The following PCMT1 variants were observed in gnomAD, a reference collection of about 807,000 sequenced individuals.
The protein encoded by PCMT1 is protein-L-isoaspartate(D-aspartate) O-methyltransferase.
In PCMT1, 9 loss-of-function variants were observed where a neutral mutation model predicts 29.2. The observed-to-expected ratio is 0.31, with a 90% confidence interval of 0.19 to 0.54. The LOEUF (loss-of-function observed/expected upper bound fraction) is 0.54, where lower values mean the gene tolerates loss of function less well. PCMT1 is among the 20% of genes least tolerant of loss of function. The probability of loss-of-function intolerance (pLI) is 0.95; values close to 1 mark genes in which losing one functional copy is unlikely to be tolerated. For missense variants in PCMT1, 184 were observed against 282.2 expected (o/e 0.65, Z 2.49); for synonymous variants, 98 against 97.5 (o/e 1.00, Z -0.03).
intron 5 of PCMT1, chr6:149,794,721 G>A: frequency 2.3e-6 from 1 of 434,334 alleles, no homozygotes; most frequent in Admixed American, 2.5e-5. Flanking sequence ...GCTTGCCTTG[G>A]CCTTTGCCCT....
In PCMT1 at chr6:149,810,885, G is replaced by C; in HGVS notation, c.*307G>C. Reference sequence around the variant, plus strand: ...CATATTTTACTTGGAAATATTAAAAGAAAGGGTTCTGTAAAATGGAAAACT... The same window carrying C: ...CATATTTTACTTGGAAATATTAAAACAAAGGGTTCTGTAAAATGGAAAACT... On this transcript the variant is annotated 3_prime_UTR_variant, in exon 8 of 8. Coordinates refer to ENST00000464889, the MANE Select transcript of PCMT1 (RefSeq NM_001360452.2). 2.6e-6 allele frequency: 1 copy of C among 377,494 alleles called. No individual in the cohort carries two copies. The highest frequency in any genetic ancestry group is 4.7e-6 in the Non-Finnish European group (1 of 211,748). The allele number at this position is 377,494 out of a possible 1,614,324, so 23.4% of individuals were successfully genotyped here.
intron 1 of PCMT1, among the ~76,000 whole-genome samples, chr6:149,769,194 C>T (rs1001461268): frequency 6.6e-5 from 10 of 151,254 alleles, no homozygotes; most frequent in South Asian, 4.2e-4. Context: ...ATTTTGTGGA[C>T]AGAGTTCATT....
intron 3 of PCMT1, among the ~76,000 whole-genome samples, chr6:149,783,812 C>T (rs1420094320): frequency 1.3e-5 from 2 of 152,148 alleles, no homozygotes; most frequent in Admixed American, 6.6e-5. Context: ...GCCTCTGCCT[C>T]CCAAGGAGCT....
chr6:149,766,074 C>G (rs1787071591), intron 1 of PCMT1, among the ~76,000 whole-genome samples: 1 of 151,042 alleles, frequency 6.6e-6, no homozygotes, highest in Non-Finnish European at 1.5e-5. Flanking sequence ...TCTAATTATA[C>G]TTTCCCTTTT....
At chr6:149,780,914 G>A (rs549078696) in intron 3 of PCMT1, among the ~76,000 whole-genome samples, 4 of 152,098 alleles carry the variant, frequency 2.6e-5, no homozygotes, top group Non-Finnish European at 2.9e-5. Context: ...AACATTTTGT[G>A]GAATGGCCAA....
At chr6:149,795,897 T>G (rs1340367782) in intron 5 of PCMT1, among the ~76,000 whole-genome samples, 1 of 152,200 alleles carries the variant, frequency 6.6e-6, no homozygotes, top group Non-Finnish European at 1.5e-5. Flanking sequence ...AACTTTTCAG[T>G]TCCGTTATCT....
At chr6:149,807,307 T>G (rs1419331657) in intron 7 of PCMT1, among the ~76,000 whole-genome samples, 1 of 152,126 alleles carries the variant, frequency 6.6e-6, no homozygotes, top group Non-Finnish European at 1.5e-5. Context: ...TATTATTTTA[T>G]TTTAAATAAA....
intron 3 of PCMT1, among the ~76,000 whole-genome samples, chr6:149,785,652 A>G (rs960977079): frequency 6.6e-6 from 1 of 152,094 alleles, no homozygotes; most frequent in Admixed American, 6.5e-5. Context: ...AACAAAGCAC[A>G]TCTTGCACCG....
intron 7 of PCMT1, among the ~76,000 whole-genome samples, chr6:149,803,018 A>T (rs1483284227): frequency 7.2e-6 from 1 of 138,090 alleles, no homozygotes; most frequent in Non-Finnish European, 1.5e-5. Flanking sequence ...TTGACACTGC[A>T]CTCCAGCCTG....
chr6:149,753,589 C>T (rs538931564), intron 1 of PCMT1, among the ~76,000 whole-genome samples: 2 of 152,302 alleles, frequency 1.3e-5, no homozygotes, highest in Admixed American at 6.5e-5. Flanking sequence ...CCTCAGCCTC[C>T]CAAAGTGCTG....
At chr6:149,795,298 G>C in intron 5 of PCMT1, 1 of 393,178 alleles carries the variant, frequency 2.5e-6, no homozygotes, top group South Asian at 2.4e-5. Flanking sequence ...TTCTCCAAAA[G>C]CCTCTCCAGA....
rs1775866285 is a variant in PCMT1, at chr6:149,802,427, G to A, written c.*37+11G>A. 6.5e-7 allele frequency: 1 copy of A among 1,539,616 alleles called. No individual in the cohort carries two copies. Among genetic ancestry groups the A allele is most frequent in the African/African-American group, 1.4e-5 (1 of 72,770 alleles). ...TTCCACACATGCAAGGTGAAAGGGT[G>A]TGGATTTTAAGACATTAGACTACAA... On this transcript the variant is annotated intron_variant, in intron 7 of 7. Coordinates refer to ENST00000464889, the MANE Select transcript of PCMT1 (RefSeq NM_001360452.2).
intron 3 of PCMT1, among the ~76,000 whole-genome samples, chr6:149,778,272 A>G (rs764498336): frequency 5.3e-5 from 8 of 152,008 alleles, no homozygotes; most frequent in Non-Finnish European, 1.0e-4. Flanking sequence ...TCTGTCGCCC[A>G]GGCTGGAGTG....
At chr6:149,795,602 A>G in intron 5 of PCMT1, 1 of 513,352 alleles carries the variant, frequency 1.9e-6, no homozygotes, top group South Asian at 1.8e-5. Flanking sequence ...ATGAAGTAGC[A>G]GAGGGAATTG....
In PCMT1 at chr6:149,800,623, A is replaced by G. The variant is rs1161331170; in HGVS notation, c.505-1577A>G. Among the ~76,000 whole-genome samples the G allele has an allele frequency of 2.0e-5, 3 of 152,084 alleles. No homozygotes were observed. In the East Asian group the frequency reaches 5.8e-4, roughly 29 times the overall value. ...CTGACTGTAAGAGCTTCCATTGAGT[A>G]CTCTTGGTTCTTCATTGACAGGAGT... On this transcript the variant is annotated intron_variant, in intron 6 of 7. Coordinates refer to ENST00000464889, the MANE Select transcript of PCMT1 (RefSeq NM_001360452.2).
At chr6:149,751,460 T>C (rs1445141949) in intron 1 of PCMT1, among the ~76,000 whole-genome samples, 1 of 151,088 alleles carries the variant, frequency 6.6e-6, no homozygotes, top group Non-Finnish European at 1.5e-5. Flanking sequence ...GAGTACTGTT[T>C]GGCACATGGT....
chr6:149,782,462 A>G (rs1787851587), intron 3 of PCMT1, among the ~76,000 whole-genome samples: 1 of 152,200 alleles, frequency 6.6e-6, no homozygotes, highest in Admixed American at 6.6e-5. Context: ...ATTAAAGGCA[A>G]TCTGTTAAAA....
intron 1 of PCMT1, among the ~76,000 whole-genome samples, chr6:149,755,366 G>A (rs1416937985): frequency 6.6e-6 from 1 of 152,032 alleles, no homozygotes; most frequent in East Asian, 1.9e-4. Context: ...GGTTGAGGGT[G>A]CAGTAAGCCA....
At chr6:149,768,488 G>T (rs1189661690) in intron 1 of PCMT1, among the ~76,000 whole-genome samples, 3 of 117,110 alleles carry the variant, frequency 2.6e-5, no homozygotes, top group Admixed American at 2.4e-4. Context: ...GTCTCACCCT[G>T]TCACTCAGGC....
Sources: allele counts gnomAD v4.1 joint callset (sites outside exome capture counted in the v4.1 genomes callset), GRCh38; gene constraint gnomAD v4.1.1; transcripts MANE v1.5; gene names NCBI Gene and HGNC (gene_info 2026-07-23, HGNC 2026-07-21).